Variants in FCHO2 observed in about 807,000 individuals in gnomAD.
FCHO2 encodes FCH and mu domain containing endocytic adaptor 2.
A neutral mutation model predicts 114.1 loss-of-function variants in FCHO2; 43 were observed. The ratio of observed to expected loss-of-function variants is 0.38; its 90% CI spans 0.30 to 0.49. The LOEUF (loss-of-function observed/expected upper bound fraction) is 0.49. Ranked by LOEUF, FCHO2 falls within the 20% of genes least tolerant of loss-of-function variation. The pLI is 0.97. For missense variants in FCHO2, 807 were observed against 950.4 expected (o/e 0.85, Z 1.98); for synonymous variants, 293 against 315.2 (o/e 0.93, Z 0.75).
At chr5:73,077,717 G>A (rs1580208742) in intron 21 of FCHO2, among the ~76,000 whole-genome samples, 1 of 152,176 alleles carries the variant, frequency 6.6e-6, no homozygotes, top group South Asian at 2.1e-4. Flanking sequence ...GGGCATGATG[G>A]TGCGTTCCTG....
intron 7 of FCHO2, among the ~76,000 whole-genome samples, 195 bp downstream of exon 7, chr5:73,015,919 G>A (rs1277077912): frequency 6.6e-6 from 1 of 151,746 alleles, no homozygotes; most frequent in African/African-American, 2.4e-5. Context: ...TGGCCACCGA[G>A]GATGATAATT....
At chr5:72,973,098 G>T (rs1580014438) in intron 2 of FCHO2, among the ~76,000 whole-genome samples, 1 of 152,138 alleles carries the variant, frequency 6.6e-6, no homozygotes, top group Non-Finnish European at 1.5e-5. Context: ...GCTGGATTCG[G>T]TTTGCCAGTA....
intron 13 of FCHO2, among the ~76,000 whole-genome samples, chr5:73,053,437 T>A (rs62362197): frequency 0.3 from 45,326 of 152,142 alleles, 6,984 homozygotes; most frequent in East Asian, 0.44. Context: ...GGCTCACGCC[T>A]GTAATCCCAG....
chr5:73,052,222 C>A, intron 12 of FCHO2, 110 bp from the exon 13 acceptor site: 1 of 1,157,466 alleles, frequency 8.6e-7, no homozygotes, highest in Non-Finnish European at 1.2e-6. Flanking sequence ...CGCACCCGGC[C>A]CAAAGTCTGT....
chr5:72,974,250 G>T, intron 2 of FCHO2, among the ~76,000 whole-genome samples: 1 of 134,398 alleles, frequency 7.4e-6, no homozygotes, highest in African/African-American at 2.7e-5. Flanking sequence ...TCAATTCCTG[G>T]GTATCCTTGT....
At chr5:73,002,677 A>G (rs1179476110) in intron 5 of FCHO2, among the ~76,000 whole-genome samples, 1 of 152,236 alleles carries the variant, frequency 6.6e-6, no homozygotes, top group East Asian at 1.9e-4. Flanking sequence ...TCATGAAGTG[A>G]TAATTTGCAT....
intron 20 of FCHO2, among the ~76,000 whole-genome samples, chr5:73,075,503 G>T (rs1167753907): frequency 6.6e-6 from 1 of 152,142 alleles, no homozygotes; most frequent in Non-Finnish European, 1.5e-5. Context: ...ATGAGACCAG[G>T]TTAGGCATTG....
intron 19 of FCHO2, 42 bp downstream of exon 19, chr5:73,068,821 A>G: frequency 6.4e-7 from 1 of 1,567,556 alleles, no homozygotes. Context: ...GTAGTGTACA[A>G]AGTATATGTA....
intron 5 of FCHO2, chr5:72,997,026 A>G: frequency 6.8e-7 from 1 of 1,462,180 alleles, no homozygotes; most frequent in Non-Finnish European, 9.5e-7. Context: ...ATGGTAATTC[A>G]GCACCAAACT....
intron 1 of FCHO2, among the ~76,000 whole-genome samples, chr5:72,959,327 T>C (rs1395840352): frequency 6.6e-6 from 1 of 152,108 alleles, no homozygotes; most frequent in Non-Finnish European, 1.5e-5. Flanking sequence ...GGCAACACAG[T>C]AGACCTTGTC....
chr5:73,001,359 G>A (rs1245796657), intron 5 of FCHO2, among the ~76,000 whole-genome samples: 1 of 150,808 alleles, frequency 6.6e-6, no homozygotes, highest in African/African-American at 2.4e-5. Flanking sequence ...GGCAGGAGGA[G>A]GATTGCTTGA....
intron 8 of FCHO2, among the ~76,000 whole-genome samples, chr5:73,027,853 C>A (rs1440941148): frequency 6.6e-6 from 1 of 151,962 alleles, no homozygotes; most frequent in South Asian, 2.1e-4. Context: ...CAGATTAAAA[C>A]CACAAGAAAA....
At chr5:73,067,860 A>G (rs1486816859) in intron 18 of FCHO2, among the ~76,000 whole-genome samples, 1 of 152,054 alleles carries the variant, frequency 6.6e-6, no homozygotes, top group Non-Finnish European at 1.5e-5. Flanking sequence ...TGGTACAGTT[A>G]GGAATTTGGA....
At chr5:72,986,381 A>G (rs946026179) in intron 2 of FCHO2, among the ~76,000 whole-genome samples, 2 of 151,812 alleles carry the variant, frequency 1.3e-5, no homozygotes, top group African/African-American at 2.4e-5. Context: ...GTGGACCTGA[A>G]CTCTTTTTCT....
chr5:73,027,573 G>A (rs1022021504), intron 8 of FCHO2, among the ~76,000 whole-genome samples: 2 of 151,996 alleles, frequency 1.3e-5, no homozygotes, highest in Non-Finnish European at 2.9e-5. Context: ...GTGATAACCT[G>A]AAAAGAGTTC....
At chr5:73,000,275 C>T (rs1379869865) in intron 5 of FCHO2, among the ~76,000 whole-genome samples, 1 of 152,062 alleles carries the variant, frequency 6.6e-6, no homozygotes, top group Non-Finnish European at 1.5e-5. Context: ...CAGTTTGAGA[C>T]CAGCCTGGCC....
chr5:72,972,247 A>G (rs1340377666), intron 2 of FCHO2, among the ~76,000 whole-genome samples: 2 of 151,640 alleles, frequency 1.3e-5, no homozygotes, highest in East Asian at 1.9e-4. Flanking sequence ...GAAAGTCATT[A>G]GTAGCTTGAT....
At chr5:73,060,288 A>T (rs1182389589) in intron 17 of FCHO2, among the ~76,000 whole-genome samples, 2 of 152,016 alleles carry the variant, frequency 1.3e-5, no homozygotes, top group East Asian at 3.9e-4. Flanking sequence ...CCTATATAGT[A>T]TGAAAAGTAA....
chr5:73,069,074 G>A (rs1315560164), intron 19 of FCHO2, among the ~76,000 whole-genome samples: 2 of 152,104 alleles, frequency 1.3e-5, no homozygotes, highest in African/African-American at 2.4e-5. Context: ...TCTTCCTTCT[G>A]TGAACTGATA....
Sources: gnomAD v4.1 joint callset for allele counts (sites outside exome capture counted in the v4.1 genomes callset) on GRCh38, gnomAD v4.1.1 for gene constraint, MANE v1.5 for transcripts, NCBI Gene and HGNC (gene_info 2026-07-23, HGNC 2026-07-21) for gene names.